The following FAM83B variants were observed in gnomAD, a reference collection of about 807,000 sequenced individuals.
The protein encoded by FAM83B is scaffolding CK1 anchoring protein B, also known as protein FAM83B.
A neutral mutation model predicts 38.8 loss-of-function variants in FAM83B; 26 were observed. That is an observed-to-expected ratio of 0.67 (90% CI 0.49 to 0.93). The LOEUF is 0.93. FAM83B is among the 40% of genes least tolerant of loss of function. The probability of loss-of-function intolerance (pLI) is 0.00; values close to 1 mark genes in which losing one functional copy is unlikely to be tolerated. For missense variants in FAM83B, 1,237 were observed against 1,197.3 expected, an observed-to-expected ratio of 1.03 and a Z score of -0.49; for synonymous variants, 419 against 423.1, an observed-to-expected ratio of 0.99 and a Z score of 0.12.
chr6:54,852,405 T>C (rs1581877085), intron 1 of FAM83B, among the ~76,000 whole-genome samples: 1 of 152,174 alleles, frequency 6.6e-6, no homozygotes, highest in Non-Finnish European at 1.5e-5. Context: ...CTCTTGTAAT[T>C]TTTTGGGGGT....
chr6:54,908,638 T>C (rs937865827), intron 2 of FAM83B, among the ~76,000 whole-genome samples: 3 of 152,188 alleles, frequency 2.0e-5, no homozygotes. Context: ...TAGCTCATCA[T>C]AGAGACAATG....
intron 1 of FAM83B, among the ~76,000 whole-genome samples, chr6:54,862,228 G>A (rs1485235389): frequency 6.6e-6 from 1 of 152,194 alleles, no homozygotes; most frequent in Non-Finnish European, 1.5e-5. Context: ...AACCTGGCCT[G>A]CCACAGAAGG....
chr6:54,899,635 C>T (rs1358605403), intron 2 of FAM83B, among the ~76,000 whole-genome samples: 1 of 152,102 alleles, frequency 6.6e-6, no homozygotes, highest in East Asian at 1.9e-4. Flanking sequence ...TAGCATGTTG[C>T]TATGCCTTCA....
intron 2 of FAM83B, among the ~76,000 whole-genome samples, chr6:54,925,614 A>T (rs745416874): frequency 2.6e-5 from 4 of 152,166 alleles, no homozygotes; most frequent in Non-Finnish European, 4.4e-5. Flanking sequence ...TTAGGCAAGT[A>T]CAGCTGGCCC....
At chr6:54,873,988 C>A (rs928072874) in intron 2 of FAM83B, among the ~76,000 whole-genome samples, 1 of 151,976 alleles carries the variant, frequency 6.6e-6, no homozygotes. Context: ...ACCAAGTTAA[C>A]CTTCCAGTCT....
At chr6:54,917,662 AT>A (rs1773076571) in intron 2 of FAM83B, among the ~76,000 whole-genome samples, 1 of 152,106 alleles carries the variant, frequency 6.6e-6, no homozygotes. Flanking sequence ...TATAATAGTC[AT>A]TTTCTCCATA....
intron 2 of FAM83B, among the ~76,000 whole-genome samples, chr6:54,925,427 G>A (rs1357921660): frequency 6.6e-6 from 1 of 152,104 alleles, no homozygotes; most frequent in African/African-American, 2.4e-5. Flanking sequence ...GCACATAGAA[G>A]GTGGACAGCC....
intron 2 of FAM83B, among the ~76,000 whole-genome samples, chr6:54,909,768 C>T (rs1772863342): frequency 6.6e-6 from 1 of 152,070 alleles, no homozygotes; most frequent in South Asian, 2.1e-4. Flanking sequence ...TGTAGAGGAG[C>T]ATAAATTAGG....
At chr6:54,884,836 G>C (rs1772231041) in intron 2 of FAM83B, among the ~76,000 whole-genome samples, 1 of 150,744 alleles carries the variant, frequency 6.6e-6, no homozygotes. Flanking sequence ...GCAGTGGTGA[G>C]ATCTGGGCTC....
intron 1 of FAM83B, among the ~76,000 whole-genome samples, chr6:54,858,458 A>G (rs1771497190): frequency 6.6e-6 from 1 of 152,222 alleles, no homozygotes; most frequent in Non-Finnish European, 1.5e-5. Context: ...ATCAAGTTGT[A>G]AAATATAGAC....
At chr6:54,857,544 T>G (rs1226164985) in intron 1 of FAM83B, among the ~76,000 whole-genome samples, 1 of 152,156 alleles carries the variant, frequency 6.6e-6, no homozygotes, top group Non-Finnish European at 1.5e-5. Context: ...TCTCTAGTTA[T>G]TTCTCCTTTA....
At chr6:54,854,292 A>G (rs1032859667) in intron 1 of FAM83B, among the ~76,000 whole-genome samples, 3 of 152,248 alleles carry the variant, frequency 2.0e-5, no homozygotes, top group Non-Finnish European at 4.4e-5. Flanking sequence ...ATTTAAGAAG[A>G]TTGACTCTAA....
At position 54,927,498 on chromosome 6, in the gene FAM83B, A is replaced by T; in HGVS notation, c.610-10A>T. ...CATAATGTCTGCTTTTTATTTACAT[A>T]TAATTCTAGAATATTCGAGTGCGAA... is the stretch of plus-strand genomic sequence containing the variant. On this transcript the variant is annotated splice_polypyrimidine_tract_variant and intron_variant, in intron 3 of 4. Transcript: ENST00000306858. 1.3e-6 allele frequency: 2 copies of T among 1,573,652 alleles called. No homozygotes were observed. Among genetic ancestry groups the T allele is most frequent in the Non-Finnish European group, 1.7e-6 (2 of 1,156,910 alleles).
intron 4 of FAM83B, among the ~76,000 whole-genome samples, chr6:54,929,585 A>G (rs1369556399): frequency 3.9e-5 from 6 of 152,118 alleles, no homozygotes; most frequent in African/African-American, 1.4e-4. Context: ...TTTCATTTTT[A>G]ATCTCATGAG....
At chr6:54,926,596 T>C (rs1199574991) in intron 3 of FAM83B, 61 bp downstream of exon 3, 2 of 1,312,504 alleles carry the variant, frequency 1.5e-6, no homozygotes, top group East Asian at 2.3e-5. Context: ...CTCAGTCAAA[T>C]GTAAGGCATC....
chr6:54,865,541 A>G (rs1341349980), intron 1 of FAM83B, among the ~76,000 whole-genome samples: 1 of 152,192 alleles, frequency 6.6e-6, no homozygotes, highest in Admixed American at 6.5e-5. Context: ...CTCATAAAGC[A>G]TTCAATACTT....
chr6:54,932,689 G>A (rs1372760774), intron 4 of FAM83B, among the ~76,000 whole-genome samples: 1 of 134,954 alleles, frequency 7.4e-6, no homozygotes, highest in Non-Finnish European at 1.6e-5. Flanking sequence ...ATTTATCTGG[G>A]ACAGTCTTAA....
intron 2 of FAM83B, among the ~76,000 whole-genome samples, chr6:54,872,860 A>G (rs920687749): frequency 1.3e-5 from 2 of 152,220 alleles, no homozygotes; most frequent in African/African-American, 4.8e-5. Flanking sequence ...AATAAGAAAG[A>G]CAATTGCATC....
At position 54,926,418 on chromosome 6, in the gene FAM83B, A is replaced by C; in HGVS notation, c.492A>C (p.Lys164Asn). The C allele has an allele frequency of 6.2e-7, 1 of 1,608,738 alleles. No individual in the cohort carries two copies. The highest frequency in any genetic ancestry group is 8.5e-7 in the Non-Finnish European group (1 of 1,176,420). Reference sequence around the variant, plus strand: ...TATTTACAGATGTGGACATTTTCAAAGAAATCGTTGAGGCATCAACTCGAG... The same window carrying C: ...TATTTACAGATGTGGACATTTTCAACGAAATCGTTGAGGCATCAACTCGAG... ...MDIFTDVDIF[K>N]EIVEASTRGV... Residue 164 changes from lysine to asparagine, a missense_variant, in exon 3 of 5, where the codon AAA (lysine) becomes AAC (asparagine). Physicochemically the swap from Lys to Asn is moderately conservative, Grantham distance 94 (BLOSUM62 0). Coordinates refer to ENST00000306858, the MANE Select transcript of FAM83B (RefSeq NM_001010872.3).
Sources: gnomAD v4.1 joint callset for allele counts (sites outside exome capture counted in the v4.1 genomes callset) on GRCh38, gnomAD v4.1.1 for gene constraint, MANE v1.5 for transcripts, NCBI Gene and HGNC (gene_info 2026-07-23, HGNC 2026-07-21) for gene names.